PTPRD: variants seen among roughly 807,000 people sequenced by gnomAD.
The protein encoded by PTPRD is protein tyrosine phosphatase receptor type D.
In PTPRD, 34 loss-of-function variants were observed where a neutral mutation model predicts 214.5. The observed-to-expected ratio is 0.16, with a 90% CI of 0.12 to 0.21. The LOEUF is 0.21. Ranked by LOEUF, PTPRD falls within the 10% of genes least tolerant of loss-of-function variation. The probability of loss-of-function intolerance (pLI) is 1.00; values close to 1 mark genes in which losing one functional copy is unlikely to be tolerated. For synonymous variants in PTPRD, 1,128 were observed against 845.7 expected (o/e 1.33, Z -5.79); for missense variants, 2,545 against 2,398.7 (o/e 1.06, Z -1.27).
intron 9 of PTPRD, among the ~76,000 whole-genome samples, chr9:9,280,674 G>A (rs975190487): frequency 2.6e-5 from 4 of 151,178 alleles, no homozygotes; most frequent in African/African-American, 9.7e-5. Flanking sequence ...TGAATAAGAA[G>A]ACTCATTAAT....
At chr9:8,454,647 CCAATGGTAA>C (rs2096109104) in intron 33 of PTPRD, 1 of 1,592,498 alleles carries the variant, frequency 6.3e-7, no homozygotes, top group East Asian at 2.2e-5. Flanking sequence ...TGTTAGTTGG[CCAATGGTAA>C]CAAGGATAAC....
chr9:9,882,250 AAGC>A (rs2068980998), intron 5 of PTPRD, among the ~76,000 whole-genome samples: 1 of 152,042 alleles, frequency 6.6e-6, no homozygotes, highest in Non-Finnish European at 1.5e-5. Flanking sequence ...TTTTGATTGT[AAGC>A]AGAAGGATCG....
chr9:8,367,071 A>G (rs1168143695), intron 39 of PTPRD, among the ~76,000 whole-genome samples: 1 of 152,160 alleles, frequency 6.6e-6, no homozygotes, highest in Non-Finnish European at 1.5e-5. Flanking sequence ...AGCCAAGCGT[A>G]TGGTTTGTAT....
At chr9:9,158,065 TG>T (rs1327125447) in intron 10 of PTPRD, among the ~76,000 whole-genome samples, 1 of 152,228 alleles carries the variant, frequency 6.6e-6, no homozygotes, top group Non-Finnish European at 1.5e-5. Flanking sequence ...TTTTCATGGC[TG>T]CATAGTATTC....
At chr9:8,792,909 C>T (rs1034683512) in intron 11 of PTPRD, among the ~76,000 whole-genome samples, 1 of 152,126 alleles carries the variant, frequency 6.6e-6, no homozygotes, top group Admixed American at 6.5e-5. Context: ...GTTACAGCTA[C>T]TTCACATTTA....
At chr9:10,202,157 G>A (rs1449561601) in intron 3 of PTPRD, among the ~76,000 whole-genome samples, 1 of 152,022 alleles carries the variant, frequency 6.6e-6, no homozygotes, top group African/African-American at 2.4e-5. Flanking sequence ...TATATTCAAA[G>A]GAATTTAGTA....
At chr9:10,105,894 GAAAC>G (rs2098625451) in intron 3 of PTPRD, among the ~76,000 whole-genome samples, 1 of 149,738 alleles carries the variant, frequency 6.7e-6, no homozygotes, top group Non-Finnish European at 1.5e-5. Context: ...TTTTTACTTG[GAAAC>G]ACAAAATCAC....
chr9:8,552,130 C>T (rs995494811), intron 14 of PTPRD, among the ~76,000 whole-genome samples: 9 of 152,166 alleles, frequency 5.9e-5, no homozygotes, highest in Admixed American at 2.0e-4. Flanking sequence ...TCACAGGCAC[C>T]TCCTTGCACG....
At chr9:10,538,486 T>A (rs1348205508) in intron 2 of PTPRD, among the ~76,000 whole-genome samples, 1 of 152,096 alleles carries the variant, frequency 6.6e-6, no homozygotes, top group East Asian at 1.9e-4. Context: ...TCTCTCTATA[T>A]ATACACAATT....
intron 5 of PTPRD, among the ~76,000 whole-genome samples, chr9:9,828,489 C>A (rs149912814): frequency 6.6e-6 from 1 of 151,814 alleles, no homozygotes; most frequent in Non-Finnish European, 1.5e-5. Context: ...CATCACACAC[C>A]GGGGTCTGTT....
chr9:10,507,675 C>A (rs2046497406), intron 2 of PTPRD, among the ~76,000 whole-genome samples: 1 of 152,140 alleles, frequency 6.6e-6, no homozygotes, highest in Admixed American at 6.5e-5. Context: ...CTTTGACAAA[C>A]GTGACAAAAA....
At chr9:9,936,192 C>CA (rs1471267718) in intron 5 of PTPRD, among the ~76,000 whole-genome samples, 1 of 148,468 alleles carries the variant, frequency 6.7e-6, no homozygotes, top group Non-Finnish European at 1.5e-5. Flanking sequence ...TCTAAAACAC[C>CA]AAAAGCAATG....
chr9:8,728,215 A>G (rs908606149), intron 12 of PTPRD, among the ~76,000 whole-genome samples: 3 of 152,172 alleles, frequency 2.0e-5, no homozygotes, highest in Admixed American at 1.3e-4. Flanking sequence ...GTGCCATTGC[A>G]CCCCAGCCTG....
intron 7 of PTPRD, among the ~76,000 whole-genome samples, chr9:9,613,777 A>G (rs1337206396): frequency 2.0e-5 from 3 of 152,170 alleles, no homozygotes; most frequent in African/African-American, 4.8e-5. Flanking sequence ...CCTGTATTTT[A>G]TAGAGATCCT....
intron 5 of PTPRD, among the ~76,000 whole-genome samples, chr9:9,930,080 T>A (rs936329855): frequency 3.3e-5 from 5 of 152,204 alleles, no homozygotes; most frequent in African/African-American, 1.2e-4. Context: ...AAAGCAGAGC[T>A]ATAGGAATAC....
chr9:10,122,667 A>G (rs976669097), intron 3 of PTPRD, among the ~76,000 whole-genome samples: 1 of 152,204 alleles, frequency 6.6e-6, no homozygotes, highest in African/African-American at 2.4e-5. Context: ...AGTTTTCTAA[A>G]TCATCCTTAA....
chr9:10,113,575 C>G (rs535146539), intron 3 of PTPRD, among the ~76,000 whole-genome samples: 34 of 152,260 alleles, frequency 2.2e-4, no homozygotes, highest in African/African-American at 7.9e-4. Flanking sequence ...AATAAACATA[C>G]AGATTCCAGA....
At chr9:10,109,471 A>G (rs971993740) in intron 3 of PTPRD, among the ~76,000 whole-genome samples, 1 of 152,208 alleles carries the variant, frequency 6.6e-6, no homozygotes, top group African/African-American at 2.4e-5. Flanking sequence ...ATATCCTATC[A>G]GATACCTACT....
intron 4 of PTPRD, among the ~76,000 whole-genome samples, chr9:10,025,001 G>A (rs1486597142): frequency 1.3e-5 from 2 of 151,796 alleles, no homozygotes; most frequent in African/African-American, 2.4e-5. Context: ...TGGTGTATAT[G>A]TGCCACATTT....
Sources: gnomAD v4.1 joint callset for allele counts (sites outside exome capture counted in the v4.1 genomes callset) on GRCh38, gnomAD v4.1.1 for gene constraint, MANE v1.5 for transcripts, NCBI Gene and HGNC (gene_info 2026-07-23, HGNC 2026-07-21) for gene names.